The following ADA2 variants were observed in gnomAD, a reference collection of about 807,000 sequenced individuals.
ADA2 encodes the protein adenosine deaminase CECR1.
A neutral mutation model predicts 44.2 loss-of-function variants in ADA2; 29 were observed. That is an observed-to-expected ratio of 0.66 (90% CI 0.49 to 0.89). The LOEUF is 0.89. Ranked by LOEUF, ADA2 falls within the 40% of genes least tolerant of loss-of-function variation. The pLI, the probability that ADA2 is intolerant of heterozygous loss-of-function variation, is 0.00. For missense variants in ADA2, 637 were observed against 644.8 expected, an observed-to-expected ratio of 0.99 and a Z score of 0.13; for synonymous variants, 215 against 234.9, an observed-to-expected ratio of 0.92 and a Z score of 0.77.
intron 9 of ADA2, 106 bp downstream of exon 9, chr22:17,181,714 G>C (rs1170926450): frequency 9.0e-7 from 1 of 1,107,602 alleles, no homozygotes; most frequent in Admixed American, 1.8e-5. Flanking sequence ...TGATGAGAAG[G>C]AACCCACAGG....
chr22:17,209,234 A>C, intron 2 of ADA2, 122 bp downstream of exon 2: 1 of 839,138 alleles, frequency 1.2e-6, no homozygotes, highest in South Asian at 1.7e-5. Flanking sequence ...AGAGGAGCAG[A>C]ACAGCTGAGT....
intron 1 of ADA2, among the ~76,000 whole-genome samples, chr22:17,212,229 G>A (rs560159920): frequency 1.3e-4 from 20 of 152,094 alleles, no homozygotes; most frequent in African/African-American, 4.3e-4. Context: ...GTTTCACCAC[G>A]TTGGTTAGGC....
chr22:17,188,168 A>G (rs1230585435), intron 7 of ADA2, among the ~76,000 whole-genome samples, 171 bp downstream of exon 7: 2 of 152,204 alleles, frequency 1.3e-5, no homozygotes, highest in Admixed American at 6.5e-5. Flanking sequence ...GGCTGATTCT[A>G]TTATCCTTGT....
chr22:17,211,174 A>G (rs7287933), intron 1 of ADA2, among the ~76,000 whole-genome samples: 18,349 of 152,074 alleles, frequency 0.12, 1,467 homozygotes, highest in African/African-American at 0.23. Flanking sequence ...AGCCTGGCCA[A>G]TATGATGAAA....
chr22:17,214,720 G>C (rs2062452497), intron 1 of ADA2, among the ~76,000 whole-genome samples: 2 of 152,180 alleles, frequency 1.3e-5, no homozygotes. Context: ...GCACAGCCTG[G>C]GTGGCAGAAC....
intron 4 of ADA2, among the ~76,000 whole-genome samples, chr22:17,201,953 T>TTTTTTTC (rs1230422040): frequency 5.6e-5 from 8 of 143,748 alleles, no homozygotes; most frequent in African/African-American, 2.1e-4. Context: ...AAATCAAATT[T>TTTTTTTC]TTTTTTCTTT....
chr22:17,205,201 G>A (rs1386052507), intron 3 of ADA2, among the ~76,000 whole-genome samples: 1 of 152,036 alleles, frequency 6.6e-6, no homozygotes, highest in East Asian at 1.9e-4. Context: ...TGTATTTTTA[G>A]TAGAGACAGG....
At chr22:17,199,727 C>A in intron 4 of ADA2, 1 of 1,514,438 alleles carries the variant, frequency 6.6e-7, no homozygotes, top group South Asian at 1.3e-5. Context: ...CCACCCCTTA[C>A]TACCTATTTG....
At chr22:17,207,835 T>C (rs1429118567) in intron 2 of ADA2, among the ~76,000 whole-genome samples, 1 of 152,068 alleles carries the variant, frequency 6.6e-6, no homozygotes, top group East Asian at 1.9e-4. Context: ...ATCCTGCCCC[T>C]CAACTCCTCT....
intron 3 of ADA2, 93 bp downstream of exon 3, chr22:17,206,978 G>C: frequency 1.0e-6 from 1 of 965,904 alleles, no homozygotes; most frequent in Non-Finnish European, 1.6e-6. Context: ...ATTAAAGCCA[G>C]ATTTTTATCT....
At chr22:17,218,121 T>C (rs1189732736) in intron 1 of ADA2, among the ~76,000 whole-genome samples, 1 of 152,160 alleles carries the variant, frequency 6.6e-6, no homozygotes, top group East Asian at 1.9e-4. Flanking sequence ...TGTTGACAGA[T>C]AGGTAATTTT....
intron 4 of ADA2, among the ~76,000 whole-genome samples, chr22:17,195,423 G>A (rs991273126): frequency 1.3e-5 from 2 of 152,088 alleles, no homozygotes; most frequent in Non-Finnish European, 2.9e-5. Flanking sequence ...CAGCTACTGG[G>A]GAGGCTGAGG....
chr22:17,214,042 A>C, intron 1 of ADA2: 1 of 292,876 alleles, frequency 3.4e-6, no homozygotes, highest in South Asian at 3.8e-5. Context: ...TCTGTCTCAA[A>C]AAAAAAAAAA....
Position 17,207,223 on chromosome 22 carries a change from G to A in ADA2, c.390C>T (p.Tyr130=), listed in dbSNP as rs1874239956. 1 of 1,613,962 alleles carries A rather than the reference G, an allele frequency of 6.2e-7. No homozygotes were observed. Among genetic ancestry groups the A allele is most frequent in the South Asian group, 1.1e-5 (1 of 91,086 alleles). ...TGAAACAGATGTGGCAGTGAGGCCT[G>A]TAGGTGACATTCCTCACCAGCCAGT... The part of the protein sequence containing the change: ...TMDWLVRNVT[Y]RPHCHICFTP... The change falls in exon 3 of 10, where the codon TAC becomes TAT. Residue 130 remains tyrosine (Y), a synonymous_variant. Coordinates refer to ENST00000399837, the MANE Select transcript of ADA2 (RefSeq NM_001282225.2).
chr22:17,194,019 GAAA>G (rs34572644), intron 4 of ADA2, among the ~76,000 whole-genome samples: 2 of 123,048 alleles, frequency 1.6e-5, no homozygotes. Flanking sequence ...AAAAAGGAAT[GAAA>G]AAAAAAAAAA....
At chr22:17,215,741 G>A (rs1487849583) in intron 1 of ADA2, among the ~76,000 whole-genome samples, 1 of 152,198 alleles carries the variant, frequency 6.6e-6, no homozygotes, top group Non-Finnish European at 1.5e-5. Context: ...GAGAGCTAAG[G>A]AAGTTGATCT....
At chr22:17,192,588 G>A (rs2062132417) in intron 4 of ADA2, among the ~76,000 whole-genome samples, 1 of 152,146 alleles carries the variant, frequency 6.6e-6, no homozygotes, top group Non-Finnish European at 1.5e-5. Flanking sequence ...AGCACTTTGG[G>A]AGGCCGAGGC....
At chr22:17,203,026 G>A (rs1018940737) in intron 4 of ADA2, among the ~76,000 whole-genome samples, 2 of 151,196 alleles carry the variant, frequency 1.3e-5, no homozygotes, top group African/African-American at 4.9e-5. Flanking sequence ...TGCCTGCCTC[G>A]GCCTCCCAAA....
chr22:17,208,846 G>A (rs879907430), intron 2 of ADA2, among the ~76,000 whole-genome samples: 4,186 of 142,252 alleles, frequency 0.029, 146 homozygotes, highest in East Asian at 0.07. Flanking sequence ...ACATTTTTTG[G>A]GGAACAGGGT....
Sources: gnomAD v4.1 joint callset for allele counts (sites outside exome capture counted in the v4.1 genomes callset) on GRCh38, gnomAD v4.1.1 for gene constraint, MANE v1.5 for transcripts, NCBI Gene and HGNC (gene_info 2026-07-23, HGNC 2026-07-21) for gene names.